The following CNTN5 variants were observed in gnomAD, a reference collection of about 807,000 sequenced individuals.
The protein encoded by CNTN5 is contactin-5.
Under a neutral mutation model 129.1 loss-of-function variants are expected in CNTN5, and 77 were observed. The observed-to-expected ratio is 0.60, with a 90% confidence interval of 0.50 to 0.72. The LOEUF (loss-of-function observed/expected upper bound fraction) is 0.72, where lower values mean the gene tolerates loss of function less well. CNTN5 is among the 30% of genes least tolerant of loss of function. The pLI is 0.00. For synonymous variants in CNTN5, 509 were observed against 465.6 expected (o/e 1.09, Z -1.20); for missense variants, 1,478 against 1,328.8 (o/e 1.11, Z -1.75).
chr11:99,791,742 AAG>A (rs748805650), intron 3 of CNTN5, among the ~76,000 whole-genome samples: 1 of 152,064 alleles, frequency 6.6e-6, no homozygotes, highest in Non-Finnish European at 1.5e-5. Context: ...TTATTCCTAT[AAG>A]AGTGGAATAT....
At chr11:99,280,382 A>T (rs1863639366) in intron 1 of CNTN5, among the ~76,000 whole-genome samples, 1 of 151,872 alleles carries the variant, frequency 6.6e-6, no homozygotes, top group African/African-American at 2.4e-5. Context: ...AAAATCGTTT[A>T]GACAAAGGAT....
chr11:99,386,153 G>C (rs556834944), intron 2 of CNTN5, among the ~76,000 whole-genome samples: 4 of 152,210 alleles, frequency 2.6e-5, no homozygotes, highest in Admixed American at 6.5e-5. Context: ...ACTAGAGCAG[G>C]GCCCACCTCC....
At chr11:99,959,443 C>G (rs1304445162) in intron 8 of CNTN5, among the ~76,000 whole-genome samples, 4 of 152,182 alleles carry the variant, frequency 2.6e-5, no homozygotes, top group African/African-American at 9.6e-5. Context: ...ATCTCCCATC[C>G]TATTTCAATA....
chr11:99,819,410 TC>T, intron 3 of CNTN5, 133 bp from the exon 4 acceptor site: 1 of 623,676 alleles, frequency 1.6e-6, no homozygotes, highest in Non-Finnish European at 2.7e-6. Flanking sequence ...TTTTTCACAC[TC>T]TCACTGTAAT....
intron 2 of CNTN5, among the ~76,000 whole-genome samples, chr11:99,372,053 TA>T (rs1939859033): frequency 6.6e-6 from 1 of 152,136 alleles, no homozygotes; most frequent in South Asian, 2.1e-4. Flanking sequence ...TAGAGAAAAA[TA>T]CATTTCTATT....
At chr11:99,866,226 CTT>C (rs1299995617) in intron 6 of CNTN5, among the ~76,000 whole-genome samples, 1 of 152,136 alleles carries the variant, frequency 6.6e-6, no homozygotes, top group Non-Finnish European at 1.5e-5. Flanking sequence ...ATAACCCAAA[CTT>C]TTTTCCCCCA....
intron 20 of CNTN5, among the ~76,000 whole-genome samples, chr11:100,304,890 AG>A (rs1225383660): frequency 6.6e-6 from 1 of 151,256 alleles, no homozygotes; most frequent in Non-Finnish European, 1.5e-5. Flanking sequence ...AATTAAGAAC[AG>A]GGTTTGGAAC....
chr11:99,651,670 T>A (rs1952162782), intron 3 of CNTN5, among the ~76,000 whole-genome samples: 1 of 152,018 alleles, frequency 6.6e-6, no homozygotes, highest in Admixed American at 6.6e-5. Flanking sequence ...AATGAAGTGT[T>A]ATATAAATTA....
At chr11:99,750,890 G>C (rs1944209967) in intron 3 of CNTN5, among the ~76,000 whole-genome samples, 1 of 152,166 alleles carries the variant, frequency 6.6e-6, no homozygotes, top group Non-Finnish European at 1.5e-5. Context: ...TCTGCTTCTA[G>C]TGGTGTGGTT....
chr11:99,333,087 G>A (rs1243372948), intron 2 of CNTN5, among the ~76,000 whole-genome samples: 1 of 151,956 alleles, frequency 6.6e-6, no homozygotes, highest in Non-Finnish European at 1.5e-5. Flanking sequence ...ATTGCACATT[G>A]TGGCACAAGA....
At chr11:100,060,395 T>TA (rs905057666) in intron 9 of CNTN5, among the ~76,000 whole-genome samples, 8 of 151,978 alleles carry the variant, frequency 5.3e-5, no homozygotes, top group Non-Finnish European at 1.2e-4. Context: ...AATTTATATT[T>TA]AAAAAATAAC....
chr11:99,615,305 A>G (rs767352061), intron 3 of CNTN5, among the ~76,000 whole-genome samples: 28 of 151,978 alleles, frequency 1.8e-4, no homozygotes, highest in Non-Finnish European at 3.2e-4. Context: ...TAAACTGACT[A>G]TTTTTACCAT....
chr11:100,070,824 A>T (rs1451318409), intron 11 of CNTN5, among the ~76,000 whole-genome samples: 2 of 152,144 alleles, frequency 1.3e-5, no homozygotes, highest in East Asian at 3.8e-4. Context: ...TTACCTCATT[A>T]CATTTTTTGG....
intron 3 of CNTN5, among the ~76,000 whole-genome samples, chr11:99,731,660 C>T (rs910480645): frequency 2.0e-5 from 3 of 152,216 alleles, no homozygotes; most frequent in Admixed American, 6.5e-5. Context: ...CCACCATCCT[C>T]AGTATCTCAC....
chr11:99,294,206 G>T (rs962764025), intron 1 of CNTN5, among the ~76,000 whole-genome samples: 1 of 151,908 alleles, frequency 6.6e-6, no homozygotes, highest in Non-Finnish European at 1.5e-5. Context: ...CATATATTTA[G>T]TGGTTCCAAA....
At chr11:99,662,543 C>T (rs865972992) in intron 3 of CNTN5, among the ~76,000 whole-genome samples, 23 of 152,188 alleles carry the variant, frequency 1.5e-4, no homozygotes, top group Middle Eastern at 6.8e-3. Flanking sequence ...TTTCTCTTTG[C>T]GGTGTTATAA....
intron 1 of CNTN5, among the ~76,000 whole-genome samples, chr11:99,162,870 A>C (rs1251841610): frequency 6.6e-6 from 1 of 152,208 alleles, no homozygotes; most frequent in African/African-American, 2.4e-5. Context: ...TCATGATTCT[A>C]CAAGAAAGAT....
chr11:99,695,877 A>G (rs983758353), intron 3 of CNTN5, among the ~76,000 whole-genome samples: 3 of 152,240 alleles, frequency 2.0e-5, no homozygotes, highest in South Asian at 2.1e-4. Context: ...AATGTCTATT[A>G]CTAACACTAA....
In CNTN5 at chr11:99,114,877, T is replaced by G. The variant is rs187121953; in HGVS notation, c.-210+93607T>G. 1.8e-3 allele frequency among the ~76,000 whole-genome samples: 269 copies of G among 152,300 alleles called. 2 individuals are homozygous for G. Among genetic ancestry groups the G allele is most frequent in the African/African-American group, 6.2e-3 (256 of 41,574 alleles). On this transcript the variant is annotated intron_variant, in intron 1 of 24. Coordinates refer to ENST00000524871, the MANE Select transcript of CNTN5 (RefSeq NM_014361.4). ...CATTTGTATCTCCCTGAAACGTATA[T>G]GTTAAGTCTTAATGCCTAGTGTGAT...
Sources: gnomAD v4.1 joint callset for allele counts (sites outside exome capture counted in the v4.1 genomes callset) on GRCh38, gnomAD v4.1.1 for gene constraint, MANE v1.5 for transcripts, NCBI Gene and HGNC (gene_info 2026-07-23, HGNC 2026-07-21) for gene names.